Variants in FSTL5 observed in about 807,000 individuals in gnomAD.
FSTL5 encodes follistatin-related protein 5.
A neutral mutation model predicts 89.1 loss-of-function variants in FSTL5; 62 were observed. The ratio of observed to expected loss-of-function variants is 0.70; its 90% CI spans 0.57 to 0.86. FSTL5 has a LOEUF of 0.86. Ranked by LOEUF, FSTL5 falls within the 40% of genes least tolerant of loss-of-function variation. The pLI is 0.00. For missense variants in FSTL5, 1,057 were observed against 1,001.6 expected, an observed-to-expected ratio of 1.06 and a Z score of -0.75; for synonymous variants, 383 against 346.2, an observed-to-expected ratio of 1.11 and a Z score of -1.18.
chr4:161,513,500 A>G (rs1463241139), intron 10 of FSTL5, among the ~76,000 whole-genome samples: 1 of 152,200 alleles, frequency 6.6e-6, no homozygotes. Flanking sequence ...ATGTGTATAA[A>G]TGTATATAAA....
rs772710690 is a variant in FSTL5 at position 161,819,407 on chromosome 4, C to T, written c.410-43333G>A. Among the ~76,000 whole-genome samples the T allele has an allele frequency of 7.2e-5, 11 of 152,206 alleles. No individual in the cohort carries two copies. In the Middle Eastern group the frequency reaches 0.01, roughly 141 times the overall value. On this transcript the variant is annotated intron_variant, in intron 4 of 15. Coordinates refer to ENST00000306100, the MANE Select transcript of FSTL5 (RefSeq NM_020116.5). The stretch of plus-strand genomic sequence containing the variant: ...AGTAATAGTCAAAACACTTCCCTGA[C>T]ATTTTATGTCATGTAACTTACATAA...
intron 13 of FSTL5, among the ~76,000 whole-genome samples, chr4:161,471,522 T>C (rs767335230): frequency 5.3e-5 from 8 of 152,200 alleles, no homozygotes; most frequent in South Asian, 2.1e-4. Context: ...TGTTTTCTTG[T>C]AGTGTTTTTG....
At chr4:161,943,665 C>A (rs1055524975) in intron 3 of FSTL5, among the ~76,000 whole-genome samples, 1 of 148,228 alleles carries the variant, frequency 6.7e-6, no homozygotes, top group Non-Finnish European at 1.5e-5. Flanking sequence ...ATGCCATTCT[C>A]CTGCCTCAGC....
chr4:161,964,245 T>C (rs1195351670), intron 3 of FSTL5, among the ~76,000 whole-genome samples: 1 of 151,998 alleles, frequency 6.6e-6, no homozygotes, highest in African/African-American at 2.4e-5. Flanking sequence ...GGTGGAAAAT[T>C]TCCACTCAGA....
At chr4:161,728,667 C>A (rs1739503796) in intron 6 of FSTL5, among the ~76,000 whole-genome samples, 1 of 151,826 alleles carries the variant, frequency 6.6e-6, no homozygotes, top group African/African-American at 2.4e-5. Context: ...ATATACCAGG[C>A]AAAAGTTATT....
chr4:161,994,313 C>T (rs1300917174), intron 3 of FSTL5, among the ~76,000 whole-genome samples: 1 of 152,068 alleles, frequency 6.6e-6, no homozygotes, highest in East Asian at 1.9e-4. Flanking sequence ...AGGTTGATTC[C>T]ATGTCTTTGC....
intron 4 of FSTL5, among the ~76,000 whole-genome samples, chr4:161,785,928 T>C (rs1375361486): frequency 6.6e-6 from 1 of 152,110 alleles, no homozygotes; most frequent in Non-Finnish European, 1.5e-5. Context: ...GTCTCATTTA[T>C]CACAAGAAAA....
At chr4:161,849,651 C>G (rs1560880164) in intron 4 of FSTL5, among the ~76,000 whole-genome samples, 1 of 151,808 alleles carries the variant, frequency 6.6e-6, no homozygotes, top group South Asian at 2.1e-4. Flanking sequence ...AATGACTCGA[C>G]ATGTGAAGAT....
intron 1 of FSTL5, among the ~76,000 whole-genome samples, chr4:162,112,858 C>T (rs1306255459): frequency 6.6e-6 from 1 of 151,276 alleles, no homozygotes; most frequent in East Asian, 1.9e-4. Context: ...CGTATGGTGG[C>T]CATTCCATGT....
chr4:161,512,374 A>C (rs1352927507), intron 10 of FSTL5, among the ~76,000 whole-genome samples: 2 of 152,104 alleles, frequency 1.3e-5, no homozygotes, highest in African/African-American at 4.8e-5. Flanking sequence ...AAAGTAATCA[A>C]ATGATGACAG....
At chr4:162,154,888 T>C (rs12501340) in intron 1 of FSTL5, among the ~76,000 whole-genome samples, 35,373 of 152,016 alleles carry the variant, frequency 0.23, 4,311 homozygotes, top group Non-Finnish European at 0.26. Flanking sequence ...GCCTACGACA[T>C]ATTAACGAAT....
At chr4:161,613,432 G>A (rs1390535708) in intron 7 of FSTL5, among the ~76,000 whole-genome samples, 3 of 148,280 alleles carry the variant, frequency 2.0e-5, no homozygotes, top group Non-Finnish European at 4.4e-5. Flanking sequence ...TCTGGCGACA[G>A]AGTGAGTCTC....
chr4:162,059,561 G>T (rs528906636), intron 2 of FSTL5, among the ~76,000 whole-genome samples: 3 of 152,262 alleles, frequency 2.0e-5, no homozygotes, highest in South Asian at 4.1e-4. Context: ...CTTCAAGGAT[G>T]ATATGAAAGC....
intron 15 of FSTL5, among the ~76,000 whole-genome samples, chr4:161,446,517 T>C (rs4691762): frequency 0.13 from 20,147 of 152,026 alleles, 1,583 homozygotes; most frequent in Non-Finnish European, 0.19. Flanking sequence ...TAATAAAATA[T>C]ATAATGTGCC....
At chr4:161,506,178 C>G (rs963208435) in intron 11 of FSTL5, among the ~76,000 whole-genome samples, 2 of 151,662 alleles carry the variant, frequency 1.3e-5, no homozygotes, top group Non-Finnish European at 2.9e-5. Context: ...CAGGGATCCT[C>G]CCACCTCAGT....
intron 5 of FSTL5, among the ~76,000 whole-genome samples, chr4:161,770,953 G>T (rs575574302): frequency 6.6e-6 from 1 of 152,040 alleles, no homozygotes; most frequent in African/African-American, 2.4e-5. Flanking sequence ...ATATGAGACA[G>T]GTAGATAAGC....
chr4:161,402,521 A>T (rs1173628141), intron 15 of FSTL5, among the ~76,000 whole-genome samples: 2 of 152,144 alleles, frequency 1.3e-5, no homozygotes, highest in Non-Finnish European at 2.9e-5. Context: ...GGATTCAGTA[A>T]GGTTTGTTTC....
chr4:161,725,665 T>A (rs935135220), intron 6 of FSTL5, among the ~76,000 whole-genome samples: 2 of 152,208 alleles, frequency 1.3e-5, no homozygotes, highest in East Asian at 3.9e-4. Context: ...CTAAAAAACA[T>A]AAAAGAGTCA....
rs1735849213 is a variant in FSTL5 at position 161,639,154 on chromosome 4, G to C, written c.894+17174C>G. Among the ~76,000 whole-genome samples, 4 of 151,888 alleles carry C rather than the reference G, an allele frequency of 2.6e-5. No homozygotes were observed. The South Asian group carries it at 8.3e-4, about 31-fold the overall frequency. On this transcript the variant is annotated intron_variant, in intron 7 of 15. Transcript: ENST00000306100. Reference sequence around the variant, plus strand: ...GTGTTGGAATTCTGGCAGTTGTTAAGCAATTAAACCACTATAAATTTCCTC... The same window carrying C: ...GTGTTGGAATTCTGGCAGTTGTTAACCAATTAAACCACTATAAATTTCCTC...
Sources: gnomAD v4.1 joint callset for allele counts (sites outside exome capture counted in the v4.1 genomes callset) on GRCh38, gnomAD v4.1.1 for gene constraint, MANE v1.5 for transcripts, NCBI Gene and HGNC (gene_info 2026-07-23, HGNC 2026-07-21) for gene names.